The following SEMA3E variants were observed in gnomAD, a reference collection of about 807,000 sequenced individuals.
SEMA3E encodes semaphorin 3E.
A neutral mutation model predicts 93.6 loss-of-function variants in SEMA3E; 49 were observed. The ratio of observed to expected loss-of-function variants is 0.52; its 90% CI spans 0.42 to 0.66. SEMA3E has a LOEUF of 0.66. SEMA3E is among the 30% of genes least tolerant of loss of function. The probability of loss-of-function intolerance (pLI) is 0.00; values close to 1 mark genes in which losing one functional copy is unlikely to be tolerated. For missense variants in SEMA3E, 906 were observed against 964.8 expected (o/e 0.94, Z 0.81); for synonymous variants, 363 against 330.7 (o/e 1.10, Z -1.06).
intron 14 of SEMA3E, among the ~76,000 whole-genome samples, chr7:83,390,898 C>A (rs1009360938): frequency 6.6e-6 from 1 of 152,150 alleles, no homozygotes; most frequent in African/African-American, 2.4e-5. Flanking sequence ...CTAAAAGATG[C>A]ACCATATAGA....
At chr7:83,578,951 C>T (rs909581703) in intron 1 of SEMA3E, among the ~76,000 whole-genome samples, 11 of 151,860 alleles carry the variant, frequency 7.2e-5, no homozygotes, top group Admixed American at 2.0e-4. Context: ...TCAGTTAGTA[C>T]CATGATTTGA....
chr7:83,564,004 T>C (rs1037574779), intron 1 of SEMA3E, among the ~76,000 whole-genome samples: 1 of 152,184 alleles, frequency 6.6e-6, no homozygotes, highest in African/African-American at 2.4e-5. Flanking sequence ...TGATTGTGCA[T>C]GCAGATAGTT....
chr7:83,516,966 A>ATATAT (rs1339781456), intron 1 of SEMA3E, among the ~76,000 whole-genome samples: 3 of 138,456 alleles, frequency 2.2e-5, no homozygotes, highest in South Asian at 2.4e-4. Context: ...TATGTATATA[A>ATATAT]AATATAGAAA....
intron 1 of SEMA3E, among the ~76,000 whole-genome samples, chr7:83,557,710 A>G (rs559506098): frequency 1.3e-5 from 2 of 152,228 alleles, no homozygotes; most frequent in Non-Finnish European, 2.9e-5. Flanking sequence ...CCTCCTTCCT[A>G]CCGATTCTTT....
chr7:83,403,618 T>C (rs1206836467), intron 9 of SEMA3E, among the ~76,000 whole-genome samples: 5 of 151,972 alleles, frequency 3.3e-5, no homozygotes, highest in Admixed American at 6.6e-5. Flanking sequence ...AATCTCTGTA[T>C]TGTAAGAATC....
chr7:83,415,635 G>A (rs1344880661), intron 5 of SEMA3E, among the ~76,000 whole-genome samples: 1 of 151,714 alleles, frequency 6.6e-6, no homozygotes, highest in Admixed American at 6.6e-5. Flanking sequence ...CCTCTTCTTC[G>A]TATGAACTTA....
At chr7:83,498,668 G>A (rs548430878) in intron 1 of SEMA3E, among the ~76,000 whole-genome samples, 1 of 151,946 alleles carries the variant, frequency 6.6e-6, no homozygotes, top group Admixed American at 6.6e-5. Context: ...TAGTAGAGAC[G>A]GGGTCTCACC....
At chr7:83,586,417 G>A (rs1228726124) in intron 1 of SEMA3E, among the ~76,000 whole-genome samples, 1 of 151,952 alleles carries the variant, frequency 6.6e-6, no homozygotes, top group East Asian at 1.9e-4. Flanking sequence ...GACACCTGGG[G>A]GTTCCTGAAT....
intron 1 of SEMA3E, among the ~76,000 whole-genome samples, chr7:83,606,310 C>G (rs1793116217): frequency 1.3e-5 from 2 of 152,120 alleles, no homozygotes; most frequent in Admixed American, 6.6e-5. Flanking sequence ...GCAACTTGCC[C>G]ATTTTTGGCA....
chr7:83,554,994 A>AAATAAATAAATAAATAAATAAATC (rs1554337680), intron 1 of SEMA3E, among the ~76,000 whole-genome samples: 1 of 148,148 alleles, frequency 6.8e-6, no homozygotes, highest in Non-Finnish European at 1.5e-5. Context: ...ATAAATAAAT[A>AAATAAATAAATAAATAAATAAATC]AATAAAAATG....
intron 4 of SEMA3E, among the ~76,000 whole-genome samples, chr7:83,463,140 C>T (rs916169382): frequency 3.5e-5 from 5 of 143,716 alleles, no homozygotes; most frequent in East Asian, 2.2e-4. Flanking sequence ...CAATCGTGTC[C>T]GACTGATCTC....
chr7:83,457,719 GTCAA>G (rs1032566833), intron 4 of SEMA3E, among the ~76,000 whole-genome samples: 2 of 152,006 alleles, frequency 1.3e-5, no homozygotes, highest in African/African-American at 4.8e-5. Context: ...TGAATGTCTT[GTCAA>G]TCAAATACTC....
intron 2 of SEMA3E, among the ~76,000 whole-genome samples, chr7:83,473,877 T>C (rs1165542991): frequency 6.6e-6 from 1 of 152,028 alleles, no homozygotes; most frequent in Non-Finnish European, 1.5e-5. Flanking sequence ...GTGGACCACC[T>C]GAGGTCAGGA....
At chr7:83,516,310 A>G (rs1297985939) in intron 1 of SEMA3E, among the ~76,000 whole-genome samples, 1 of 152,210 alleles carries the variant, frequency 6.6e-6, no homozygotes, top group Non-Finnish European at 1.5e-5. Context: ...CTAAACAGGC[A>G]TTTAGACAAT....
chr7:83,367,913 T>C lies in SEMA3E; in HGVS notation c.2001A>G (p.Lys667=). The part of the protein sequence containing the change: ...VEHSFVHTVR[K]ITLEVVEEEK... ...CCTCTTCCACTACCTCCAAGGTGATTTTACGGACCGTATGGACAAAGCTAT... is the reference window on the plus strand; with the variant it reads ...CCTCTTCCACTACCTCCAAGGTGATCTTACGGACCGTATGGACAAAGCTAT... Residue 667 remains lysine, a synonymous_variant, in exon 17 of 17, where the codon AAA becomes AAG. Transcript: ENST00000643230. 6.2e-7 allele frequency: 1 copy of C among 1,610,932 alleles called. No individual in the cohort carries two copies. Among genetic ancestry groups the C allele is most frequent in the Non-Finnish European group, 8.5e-7 (1 of 1,178,050 alleles).
chr7:83,519,422 A>G (rs976297392), intron 1 of SEMA3E, among the ~76,000 whole-genome samples: 1 of 152,160 alleles, frequency 6.6e-6, no homozygotes, highest in South Asian at 2.1e-4. Context: ...ACTCAAGCCT[A>G]TCACCCAGCT....
chr7:83,569,410 CT>C (rs1792228418), intron 1 of SEMA3E, among the ~76,000 whole-genome samples: 1 of 151,984 alleles, frequency 6.6e-6, no homozygotes, highest in Non-Finnish European at 1.5e-5. Flanking sequence ...ATTAAATGGT[CT>C]AAAAGCTCCA....
intron 1 of SEMA3E, among the ~76,000 whole-genome samples, chr7:83,551,598 G>A (rs1791765491): frequency 6.6e-6 from 1 of 152,078 alleles, no homozygotes; most frequent in Non-Finnish European, 1.5e-5. Flanking sequence ...GTGTGAAATA[G>A]GCTCACAGGT....
intron 1 of SEMA3E, among the ~76,000 whole-genome samples, chr7:83,529,895 A>G (rs1283913469): frequency 6.6e-6 from 1 of 152,118 alleles, no homozygotes; most frequent in East Asian, 1.9e-4. Context: ...ATCGGATTAT[A>G]CTTTCTTCTC....
Sources: allele counts gnomAD v4.1 joint callset (sites outside exome capture counted in the v4.1 genomes callset), GRCh38; gene constraint gnomAD v4.1.1; transcripts MANE v1.5; gene names NCBI Gene and HGNC (gene_info 2026-07-23, HGNC 2026-07-21).